The following GTF2F2 variants were observed in gnomAD, a reference collection of about 807,000 sequenced individuals.
GTF2F2 encodes ATP-dependent helicase GTF2F2.
A neutral mutation model predicts 42.2 loss-of-function variants in GTF2F2; 23 were observed. The ratio of observed to expected loss-of-function variants is 0.55; its 90% CI spans 0.39 to 0.77. The LOEUF is 0.77. Ranked by LOEUF, GTF2F2 falls within the 30% of genes least tolerant of loss-of-function variation. The probability of loss-of-function intolerance (pLI) is 0.00; values close to 1 mark genes in which losing one functional copy is unlikely to be tolerated. For synonymous variants in GTF2F2, 105 were observed against 100.8 expected (o/e 1.04, Z -0.25); for missense variants, 261 against 287.2 (o/e 0.91, Z 0.66).
chr13:45,164,901 G>A (rs997352653), intron 4 of GTF2F2, among the ~76,000 whole-genome samples: 1 of 152,168 alleles, frequency 6.6e-6, no homozygotes, highest in Non-Finnish European at 1.5e-5. Flanking sequence ...CGTTGGTTCT[G>A]ATACAAAGTG....
intron 5 of GTF2F2, among the ~76,000 whole-genome samples, chr13:45,250,467 C>T (rs1301241149): frequency 6.6e-6 from 1 of 152,150 alleles, no homozygotes; most frequent in Non-Finnish European, 1.5e-5. Context: ...CTCCATCACC[C>T]TTGTTCATCT....
intron 6 of GTF2F2, among the ~76,000 whole-genome samples, chr13:45,254,069 CAAAAAAA>C (rs770265378): frequency 1.7e-5 from 1 of 58,200 alleles, no homozygotes. Flanking sequence ...GACTCCGTCT[CAAAAAAA>C]AAAAAAAAAA....
At position 45,255,016 on chromosome 13, in the gene GTF2F2, A is replaced by G. The variant is rs183287866; in HGVS notation, c.486+2046A>G. On this transcript the variant is annotated intron_variant, in intron 6 of 7. Coordinates refer to ENST00000340473, the MANE Select transcript of GTF2F2 (RefSeq NM_004128.3). ...ACCCCATCTCTACTAAAAATACAAA[A>G]ATTAGCCAGGAGTGGTGGCAGGCAC... Among the ~76,000 whole-genome samples the G allele has an allele frequency of 4.1e-3, 621 of 152,020 alleles. 4 individuals are homozygous for G. Among genetic ancestry groups the G allele is most frequent in the African/African-American group, 0.015 (604 of 41,434 alleles).
At chr13:45,278,672 G>A (rs1877128658) in intron 7 of GTF2F2, among the ~76,000 whole-genome samples, 2 of 151,906 alleles carry the variant, frequency 1.3e-5, no homozygotes, top group African/African-American at 2.4e-5. Flanking sequence ...TGTTCAAATC[G>A]AATGATCAAA....
At chr13:45,279,551 A>C (rs1330876198) in intron 7 of GTF2F2, among the ~76,000 whole-genome samples, 1 of 152,170 alleles carries the variant, frequency 6.6e-6, no homozygotes, top group Non-Finnish European at 1.5e-5. Flanking sequence ...GTTAGTCTTA[A>C]GCACGCCTTA....
intron 4 of GTF2F2, among the ~76,000 whole-genome samples, chr13:45,177,073 A>G (rs1440177570): frequency 2.0e-5 from 3 of 152,282 alleles, no homozygotes; most frequent in East Asian, 1.9e-4. Flanking sequence ...TACAGGCGTG[A>G]GCCACTGCGC....
At chr13:45,199,118 G>C (rs1259427766) in intron 4 of GTF2F2, among the ~76,000 whole-genome samples, 2 of 152,162 alleles carry the variant, frequency 1.3e-5, no homozygotes, top group African/African-American at 4.8e-5. Flanking sequence ...AACCTTCCTA[G>C]GACTAATAGG....
At chr13:45,147,018 A>G (rs1003251811) in intron 2 of GTF2F2, among the ~76,000 whole-genome samples, 2 of 152,154 alleles carry the variant, frequency 1.3e-5, no homozygotes, top group Non-Finnish European at 2.9e-5. Context: ...TTTCCTAGAG[A>G]GTATTAACTC....
At chr13:45,181,817 T>C (rs541187037) in intron 4 of GTF2F2, among the ~76,000 whole-genome samples, 3 of 152,276 alleles carry the variant, frequency 2.0e-5, no homozygotes, top group Non-Finnish European at 4.4e-5. Context: ...TAAAAAACTT[T>C]GTGAGCTTGA....
intron 4 of GTF2F2, among the ~76,000 whole-genome samples, chr13:45,170,571 T>C (rs1002997279): frequency 9.9e-5 from 15 of 152,230 alleles, no homozygotes; most frequent in African/African-American, 3.6e-4. Flanking sequence ...AGGTACTCTG[T>C]ACACAGAATA....
intron 6 of GTF2F2, among the ~76,000 whole-genome samples, chr13:45,260,629 G>A (rs1333589294): frequency 6.6e-6 from 1 of 152,194 alleles, no homozygotes; most frequent in African/African-American, 2.4e-5. Flanking sequence ...GTAGTGGGTG[G>A]CATTTATAAT....
intron 5 of GTF2F2, among the ~76,000 whole-genome samples, chr13:45,224,331 A>G (rs1188828301): frequency 6.6e-6 from 1 of 152,208 alleles, no homozygotes; most frequent in African/African-American, 2.4e-5. Flanking sequence ...TGAGCAAAGA[A>G]TCCAGTTTAA....
chr13:45,222,139 T>G lies in GTF2F2; in HGVS notation c.386+14634T>G, dbSNP rs1874145999. Among the ~76,000 whole-genome samples, 3 of 152,194 alleles carry G rather than the reference T, an allele frequency of 2.0e-5. No homozygotes were observed. The South Asian group carries it at 6.2e-4, about 32-fold the overall frequency. The stretch of plus-strand genomic sequence containing the variant: ...ACCATTGTGTGACTACCTTAATTAA[T>G]TAATTATGACATACTGACTATATCT... On this transcript the variant is annotated intron_variant, in intron 5 of 7. Transcript: ENST00000340473.
chr13:45,241,033 A>G (rs920580273), intron 5 of GTF2F2, among the ~76,000 whole-genome samples: 2 of 150,886 alleles, frequency 1.3e-5, no homozygotes, highest in African/African-American at 4.9e-5. Context: ...TGCATCTTTT[A>G]TCCCAGCCAC....
chr13:45,211,374 G>GT (rs370469537), intron 5 of GTF2F2, among the ~76,000 whole-genome samples: 28,897 of 136,726 alleles, frequency 0.21, 3,075 homozygotes, highest in Non-Finnish European at 0.25. Context: ...AATTTTTTTT[G>GT]TTTTTTTTTT....
At position 45,283,607 on chromosome 13, in the gene GTF2F2, T is replaced by A; in HGVS notation, c.*46T>A. On this transcript the variant is annotated 3_prime_UTR_variant, in exon 8 of 8. Transcript: ENST00000340473. ...CTAGTGAAACGACTAGCAGCGATGC[T>A]ATGCAAAAGGCGCTGATACTGGAAG... The A allele has an allele frequency of 6.5e-7, 1 of 1,531,956 alleles. No homozygotes were observed. Among genetic ancestry groups the A allele is most frequent in the South Asian group, 1.3e-5 (1 of 77,216 alleles). The allele number at this position is 1,531,956 out of a possible 1,614,324, so 94.9% of individuals were successfully genotyped here.
At chr13:45,205,020 GCACAAACCTTTAAC>G (rs1873356298) in intron 4 of GTF2F2, among the ~76,000 whole-genome samples, 3 of 152,174 alleles carry the variant, frequency 2.0e-5, no homozygotes, top group Admixed American at 2.0e-4. Flanking sequence ...AAGGTTGATA[GCACAAACCTTTAAC>G]TGAAAGTTAA....
At chr13:45,178,145 T>A (rs1871974866) in intron 4 of GTF2F2, among the ~76,000 whole-genome samples, 1 of 152,028 alleles carries the variant, frequency 6.6e-6, no homozygotes, top group Non-Finnish European at 1.5e-5. Context: ...CTCCTGAGAT[T>A]CTGATGAAAC....
intron 4 of GTF2F2, among the ~76,000 whole-genome samples, chr13:45,200,971 G>A (rs575148832): frequency 6.6e-6 from 1 of 152,280 alleles, no homozygotes; most frequent in South Asian, 2.1e-4. Context: ...TCTGGTCTGG[G>A]TTTTTACAGG....
Sources: allele counts gnomAD v4.1 joint callset (sites outside exome capture counted in the v4.1 genomes callset), GRCh38; gene constraint gnomAD v4.1.1; transcripts MANE v1.5; gene names NCBI Gene and HGNC (gene_info 2026-07-23, HGNC 2026-07-21).